The following NRG1 variants were observed in gnomAD, a reference collection of about 807,000 sequenced individuals.
NRG1 encodes neuregulin 1.
Under a neutral mutation model 63.8 loss-of-function variants are expected in NRG1, and 18 were observed. The observed-to-expected ratio is 0.28, with a 90% confidence interval of 0.19 to 0.42. The LOEUF is 0.42. Ranked by LOEUF, NRG1 falls within the 10% of genes least tolerant of loss-of-function variation. The pLI is 1.00. For missense variants in NRG1, 762 were observed against 814.7 expected (o/e 0.94, Z 0.79); for synonymous variants, 302 against 301.3 (o/e 1.00, Z -0.02).
intron 2 of NRG1, among the ~76,000 whole-genome samples, chr8:32,597,667 C>T (rs1843604389): frequency 6.6e-6 from 1 of 152,016 alleles, no homozygotes; most frequent in Non-Finnish European, 1.5e-5. Context: ...TCTGCTTTGC[C>T]TCAAGTCATA....
chr8:32,624,982 T>C (rs1306328122), intron 5 of NRG1, among the ~76,000 whole-genome samples: 2 of 152,206 alleles, frequency 1.3e-5, no homozygotes, highest in East Asian at 1.9e-4. Context: ...GCCCATTCCA[T>C]ATAATATTGT....
rs1004167309 is a variant in NRG1, at chr8:31,948,445, C to T, written c.37+309014C>T. Among the ~76,000 whole-genome samples, 31 of 152,142 alleles carry T rather than the reference C, an allele frequency of 2.0e-4. 1 individual carries two copies. The highest frequency in any genetic ancestry group is 6.5e-4 in the African/African-American group (27 of 41,442). ...AATACAGAACCATGTAAGTATCCTG[C>T]ATTGATTTACAGCACCTGCTACAGC... On this transcript the variant is annotated intron_variant, in intron 1 of 10. Coordinates refer to the NRG1 transcript ENST00000519301.
chr8:32,412,423 CATATATA>C (rs1815130645), intron 1 of NRG1, among the ~76,000 whole-genome samples: 10 of 93,022 alleles, frequency 1.1e-4, no homozygotes, highest in African/African-American at 3.7e-4. Flanking sequence ...TCTCTCTCTA[CATATATA>C]TATATATATA....
At chr8:32,369,527 G>T (rs1230747720) in intron 1 of NRG1, among the ~76,000 whole-genome samples, 1 of 152,198 alleles carries the variant, frequency 6.6e-6, no homozygotes, top group Non-Finnish European at 1.5e-5. Context: ...CGAACGTGGT[G>T]TGGACTCTTA....
chr8:32,340,897 C>A (rs927622451), intron 1 of NRG1, among the ~76,000 whole-genome samples: 2 of 152,190 alleles, frequency 1.3e-5, no homozygotes, highest in East Asian at 3.9e-4. Flanking sequence ...TATGCACTGC[C>A]TGTTGCTGCT....
intron 1 of NRG1, among the ~76,000 whole-genome samples, chr8:31,728,107 G>A (rs1046903393): frequency 1.2e-4 from 18 of 152,244 alleles, no homozygotes; most frequent in African/African-American, 4.3e-4. Context: ...CCACATAATA[G>A]TTTCAAACCA....
chr8:31,930,680 A>T (rs568399265), intron 1 of NRG1, among the ~76,000 whole-genome samples: 5 of 152,274 alleles, frequency 3.3e-5, no homozygotes, highest in African/African-American at 1.2e-4. Context: ...TTTTTTGAAG[A>T]CAACTTGCTA....
intron 1 of NRG1, among the ~76,000 whole-genome samples, chr8:32,407,423 A>C (rs1476709186): frequency 6.6e-6 from 1 of 151,052 alleles, no homozygotes; most frequent in Non-Finnish European, 1.5e-5. Context: ...TTTTGACAAG[A>C]ACAGTGTAGG....
intron 1 of NRG1, among the ~76,000 whole-genome samples, chr8:31,875,212 A>G (rs905578333): frequency 6.6e-6 from 1 of 152,128 alleles, no homozygotes; most frequent in African/African-American, 2.4e-5. Context: ...AGGAAATTAT[A>G]AAAGCAAAAC....
intron 1 of NRG1, among the ~76,000 whole-genome samples, chr8:32,181,314 A>G (rs551832182): frequency 4.6e-5 from 7 of 152,212 alleles, no homozygotes; most frequent in Non-Finnish European, 7.3e-5. Context: ...AGACTCACTT[A>G]TCTACCCTTC....
intron 1 of NRG1, among the ~76,000 whole-genome samples, chr8:32,333,221 T>C (rs898537878): frequency 4.6e-5 from 7 of 152,188 alleles, no homozygotes; most frequent in Non-Finnish European, 8.8e-5. Context: ...TCATTGGTGT[T>C]TCAAAAACAT....
chr8:31,780,598 C>A (rs1343406960), intron 1 of NRG1, among the ~76,000 whole-genome samples: 1 of 152,160 alleles, frequency 6.6e-6, no homozygotes, highest in East Asian at 1.9e-4. Context: ...GTTAGAATTT[C>A]TGAGACATTC....
intron 1 of NRG1, among the ~76,000 whole-genome samples, chr8:31,970,358 A>G (rs1276770032): frequency 3.3e-5 from 5 of 152,058 alleles, no homozygotes; most frequent in Admixed American, 6.5e-5. Context: ...CTGCTACCCT[A>G]TGGACATTGC....
chr8:32,493,407 C>T (rs528742937), intron 1 of NRG1, among the ~76,000 whole-genome samples: 16 of 152,256 alleles, frequency 1.1e-4, no homozygotes, highest in South Asian at 2.1e-4. Flanking sequence ...CCGCCAAAAA[C>T]GACTACCTTT....
At chr8:31,748,206 T>C (rs958092905) in intron 1 of NRG1, among the ~76,000 whole-genome samples, 1 of 152,000 alleles carries the variant, frequency 6.6e-6, no homozygotes, top group Admixed American at 6.6e-5. Context: ...AATGTTTTTC[T>C]CCAAACTTAT....
intron 1 of NRG1, among the ~76,000 whole-genome samples, chr8:32,326,483 C>G (rs1378596599): frequency 6.6e-6 from 1 of 151,850 alleles, no homozygotes; most frequent in Non-Finnish European, 1.5e-5. Flanking sequence ...ATTCACCACA[C>G]TCAGCTAATT....
chr8:32,728,061 C>G (rs1489129386), exon 6 of NRG1: 1 of 1,613,978 alleles, frequency 6.2e-7, no homozygotes, highest in Non-Finnish European at 8.5e-7. Flanking sequence ...TTTCAAACCC[C>G]TCGAGATACT....
At chr8:32,003,049 T>C (rs1259432542) in intron 1 of NRG1, among the ~76,000 whole-genome samples, 3 of 152,054 alleles carry the variant, frequency 2.0e-5, no homozygotes, top group Admixed American at 1.3e-4. Flanking sequence ...ACTAGAGAGT[T>C]TGAGTTTATG....
At chr8:32,049,929 C>T (rs1050690525) in intron 1 of NRG1, among the ~76,000 whole-genome samples, 1 of 152,062 alleles carries the variant, frequency 6.6e-6, no homozygotes, top group Admixed American at 6.6e-5. Context: ...GGATCCAAAG[C>T]TTACCCACCC....
Sources: gnomAD v4.1 joint callset for allele counts (sites outside exome capture counted in the v4.1 genomes callset) on GRCh38, gnomAD v4.1.1 for gene constraint, MANE v1.5 for transcripts, NCBI Gene and HGNC (gene_info 2026-07-23, HGNC 2026-07-21) for gene names.